KIRREL3: variants seen among roughly 807,000 people sequenced by gnomAD.
KIRREL3 encodes the protein kirre like nephrin family adhesion molecule 3.
KIRREL3 carries 36 observed loss-of-function variants against 89.7 expected under a neutral mutation model. The observed-to-expected ratio is 0.40, with a 90% confidence interval of 0.31 to 0.53. The LOEUF (loss-of-function observed/expected upper bound fraction) is 0.53, where lower values mean the gene tolerates loss of function less well. KIRREL3 is among the 20% of genes least tolerant of loss of function. The pLI is 0.49. For missense variants in KIRREL3, 864 were observed against 1,056.6 expected (o/e 0.82, Z 2.53); for synonymous variants, 445 against 441.4 (o/e 1.01, Z -0.10).
chr11:126,766,928 A>G lies in KIRREL3; in HGVS notation c.56-204016T>C, dbSNP rs1427739695. The stretch of plus-strand genomic sequence containing the variant: ...GGGCTGGGGTCTATTACAAAGAGCT[A>G]GTCATGTTTGACCACAAGAGCCTGG... On this transcript the variant is annotated intron_variant, in intron 1 of 16. Transcript: ENST00000525144. This position sits in a 1 kb window ranked among gnomAD's most constrained non-coding sequence, Gnocchi z 4.2. Among the ~76,000 whole-genome samples, 1 of 152,236 alleles carries G rather than the reference A, an allele frequency of 6.6e-6. No homozygotes were observed. The highest frequency in any genetic ancestry group is 1.5e-5 in the Non-Finnish European group (1 of 68,036).
chr11:126,529,991 C>T (rs912117294), intron 2 of KIRREL3, among the ~76,000 whole-genome samples: 15 of 150,588 alleles, frequency 1.0e-4, no homozygotes, highest in African/African-American at 2.5e-4. Context: ...ATCTGACAGA[C>T]CTTAGGGCCT....
At position 126,917,591 on chromosome 11, in the gene KIRREL3, G is replaced by T. The variant is rs1429117442; in HGVS notation, c.55+82864C>A. ...CTCTTAGAGCACTGCTCAGTTGTAG[G>T]CTGTGTGGGGAGTGAGTAATGATCA... is the stretch of plus-strand genomic sequence containing the variant. On this transcript the variant is annotated intron_variant, in intron 1 of 16. Coordinates refer to ENST00000525144, the MANE Select transcript of KIRREL3 (RefSeq NM_032531.4). The surrounding 1 kb of genome is among the most constrained non-coding windows in gnomAD (Gnocchi z 5.0). Among the ~76,000 whole-genome samples, 1 of 152,130 alleles carries T rather than the reference G, an allele frequency of 6.6e-6. No homozygotes were observed. Among genetic ancestry groups the T allele is most frequent in the Non-Finnish European group, 1.5e-5 (1 of 68,028 alleles).
intron 1 of KIRREL3, among the ~76,000 whole-genome samples, chr11:126,882,571 A>G (rs1045055640): frequency 2.6e-5 from 4 of 152,236 alleles, no homozygotes; most frequent in Non-Finnish European, 5.9e-5. Context: ...CGCAGAATGC[A>G]GGGAGGAATT....
At chr11:126,915,372 A>G (rs756487837) in intron 1 of KIRREL3, among the ~76,000 whole-genome samples, 3 of 151,534 alleles carry the variant, frequency 2.0e-5, no homozygotes, top group Non-Finnish European at 4.4e-5. Context: ...TTTTTTTTTT[A>G]AAGCTCGCTG....
chr11:126,668,699 TTCTTTCTTTCTTTCTTTC>T lies in KIRREL3; in HGVS notation c.56-105805_56-105788del, dbSNP rs1238653382. Among the ~76,000 whole-genome samples, 4 of 59,288 alleles carry T rather than the reference TTCTTTCTTTCTTTCTTTC, an allele frequency of 6.7e-5. No individual in the cohort carries two copies. 38.9% of individuals were successfully genotyped at this position (59,288 alleles called of 152,430 possible). ...GCTGTTGGGAAGTTTCTGTTTTTCT[TTCTTTCTTTCTTTCTTTC>T]TTTCTTTCTTTCTTTCTTTCTTTCT... On this transcript the variant is annotated intron_variant, in intron 1 of 16. Transcript: ENST00000525144. The surrounding 1 kb of genome is among the most constrained non-coding windows in gnomAD (Gnocchi z 4.4).
rs370954387 is a variant in KIRREL3, at chr11:126,525,144, T to C, written c.283+1394A>G. ...GCTGAGATGACCACCGTATGCACTA[T>C]CCCTGCTGACCTGAGCCTCCTTTTG... On this transcript the variant is annotated intron_variant, in intron 3 of 16. Coordinates refer to ENST00000525144, the MANE Select transcript of KIRREL3 (RefSeq NM_032531.4). This position sits in a 1 kb window ranked among gnomAD's most constrained non-coding sequence, Gnocchi z 5.4. Among the ~76,000 whole-genome samples, 6 of 152,118 alleles carry C rather than the reference T, an allele frequency of 3.9e-5. No homozygotes were observed. The highest frequency in any genetic ancestry group is 7.4e-5 in the Non-Finnish European group (5 of 68,024).
chr11:126,911,124 G>C (rs370668782), intron 1 of KIRREL3, among the ~76,000 whole-genome samples: 50 of 152,290 alleles, frequency 3.3e-4, no homozygotes, highest in African/African-American at 1.0e-3. Context: ...AGGTTCAAGG[G>C]ATGACACAGA....
rs914846282 is a variant in KIRREL3 at position 126,624,593 on chromosome 11, A to C, written c.56-61681T>G. On this transcript the variant is annotated intron_variant, in intron 1 of 16. Transcript: ENST00000525144. This position sits in a 1 kb window ranked among gnomAD's most constrained non-coding sequence, Gnocchi z 6.0. ...CTCTACTGTGTTATTCACCTGACGG[A>C]TTAAGCTCAGCAGAGGCAAGCTGCC... is the stretch of plus-strand genomic sequence containing the variant. Among the ~76,000 whole-genome samples the C allele has an allele frequency of 2.0e-5, 3 of 152,198 alleles. No homozygotes were observed. The highest frequency in any genetic ancestry group is 7.2e-5 in the African/African-American group (3 of 41,448).
intron 1 of KIRREL3, among the ~76,000 whole-genome samples, chr11:126,952,656 T>G (rs578230617): frequency 7.9e-5 from 12 of 152,242 alleles, no homozygotes; most frequent in Non-Finnish European, 1.6e-4. Flanking sequence ...CATGCCTATG[T>G]CCTGAATGGT....
At chr11:126,445,778 T>C (rs875706) in intron 9 of KIRREL3, among the ~76,000 whole-genome samples, 10,425 of 152,272 alleles carry the variant, frequency 0.068, 647 homozygotes, top group African/African-American at 0.17. Context: ...CTTCCCTACC[T>C]GGAGCTCTCC....
At position 126,666,828 on chromosome 11, in the gene KIRREL3, T is replaced by A. The variant is rs1945685749; in HGVS notation, c.56-103916A>T. On this transcript the variant is annotated intron_variant, in intron 1 of 16. Coordinates refer to ENST00000525144, the MANE Select transcript of KIRREL3 (RefSeq NM_032531.4). The surrounding 1 kb of genome is among the most constrained non-coding windows in gnomAD (Gnocchi z 4.2). ...AGTTTCTCTGTTGATCAATCACCATTGCTGGTACAGGTATATTCATTTTGG... is the reference window on the plus strand; with the variant it reads ...AGTTTCTCTGTTGATCAATCACCATAGCTGGTACAGGTATATTCATTTTGG... Among the ~76,000 whole-genome samples the A allele has an allele frequency of 6.6e-6, 1 of 152,174 alleles. No individual in the cohort carries two copies. Among genetic ancestry groups the A allele is most frequent in the African/African-American group, 2.4e-5 (1 of 41,458 alleles).
At chr11:126,585,218 C>CTGTTTTT (rs1591778737) in intron 1 of KIRREL3, among the ~76,000 whole-genome samples, 1 of 130,578 alleles carries the variant, frequency 7.7e-6, no homozygotes, top group East Asian at 2.2e-4. Context: ...CGCGCCCGGC[C>CTGTTTTT]TCTTTTTTTT....
intron 4 of KIRREL3, among the ~76,000 whole-genome samples, chr11:126,478,551 ATATG>A (rs1416815780): frequency 1.3e-5 from 2 of 151,416 alleles, no homozygotes; most frequent in Non-Finnish European, 2.9e-5. Context: ...ACATGTGTGT[ATATG>A]TGTGTATGTG....
intron 1 of KIRREL3, among the ~76,000 whole-genome samples, chr11:126,840,837 G>A (rs1429320344): frequency 6.6e-6 from 1 of 152,112 alleles, no homozygotes; most frequent in East Asian, 1.9e-4. Flanking sequence ...ACCTAATAAT[G>A]GCTCCAAAGA....
intron 2 of KIRREL3, among the ~76,000 whole-genome samples, chr11:126,529,544 A>C (rs1264366195): frequency 6.6e-6 from 1 of 151,056 alleles, no homozygotes; most frequent in African/African-American, 2.4e-5. Context: ...CACAGGTTGC[A>C]GTGAGCCAAG....
At position 126,783,079 on chromosome 11, in the gene KIRREL3, A is replaced by G. The variant is rs1950377323; in HGVS notation, c.55+217376T>C. 6.6e-6 allele frequency among the ~76,000 whole-genome samples: 1 copy of G among 152,250 alleles called. No individual in the cohort carries two copies. Among genetic ancestry groups the G allele is most frequent in the Non-Finnish European group, 1.5e-5 (1 of 68,040 alleles). ...ACAAATAACTACAACTGGGTGGCTAAGAGCAACAGAAATTTATTCTCTCAC... is the reference window on the plus strand; with the variant it reads ...ACAAATAACTACAACTGGGTGGCTAGGAGCAACAGAAATTTATTCTCTCAC... On this transcript the variant is annotated intron_variant, in intron 1 of 16. Coordinates refer to ENST00000525144, the MANE Select transcript of KIRREL3 (RefSeq NM_032531.4). This position sits in a 1 kb window ranked among gnomAD's most constrained non-coding sequence, Gnocchi z 4.3.
chr11:126,863,544 T>G (rs1342859729), intron 1 of KIRREL3, among the ~76,000 whole-genome samples: 1 of 146,962 alleles, frequency 6.8e-6, no homozygotes, highest in Admixed American at 6.8e-5. Context: ...TGCGTGTGAG[T>G]GTGTGAGTGC....
At chr11:126,660,207 C>T (rs141943639) in intron 1 of KIRREL3, among the ~76,000 whole-genome samples, 26 of 152,294 alleles carry the variant, frequency 1.7e-4, no homozygotes, top group African/African-American at 6.0e-4. Context: ...CCATGCCCTT[C>T]TCCATTGCCT....
chr11:126,552,221 G>A (rs985252958), intron 2 of KIRREL3, among the ~76,000 whole-genome samples: 12 of 152,076 alleles, frequency 7.9e-5, no homozygotes, highest in South Asian at 4.1e-4. Context: ...CATTGGGTTC[G>A]GCCACTGTGT....
Sources: gnomAD v4.1 joint callset for allele counts (sites outside exome capture counted in the v4.1 genomes callset) on GRCh38, gnomAD v4.1.1 for gene constraint, Gnocchi (gnomAD v3.1) non-coding constraint, MANE v1.5 for transcripts, NCBI Gene and HGNC (gene_info 2026-07-23, HGNC 2026-07-21) for gene names.